PCID2: variants seen among roughly 807,000 people sequenced by gnomAD.
The protein encoded by PCID2 is PCI domain-containing protein 2.
In PCID2, 41 loss-of-function variants were observed where a neutral mutation model predicts 61.3. The observed-to-expected ratio is 0.67, with a 90% CI of 0.52 to 0.87. PCID2 has a LOEUF of 0.87. Ranked by LOEUF, PCID2 falls within the 40% of genes least tolerant of loss-of-function variation. The pLI is 0.00. For synonymous variants in PCID2, 187 were observed against 177.8 expected (o/e 1.05, Z -0.41); for missense variants, 392 against 493.4 (o/e 0.79, Z 1.95).
At chr13:113,169,305 G>C in the PCID2 span, among the ~76,000 whole-genome samples, 1 of 152,206 alleles carries the variant, frequency 6.6e-6, no homozygotes, top group Non-Finnish European at 1.5e-5. Context: ...ATTTAATTTA[G>C]GTTTTTAAAA....
chr13:113,187,933 G>A (rs562943947), intron 7 of PCID2: 6 of 152,324 alleles, frequency 3.9e-5, no homozygotes, highest in African/African-American at 1.4e-4. Context: ...GATCACTGCT[G>A]TGCAAAAATA....
At chr13:113,185,160 G>T (rs1304144640) in intron 8 of PCID2, among the ~76,000 whole-genome samples, 1 of 152,194 alleles carries the variant, frequency 6.6e-6, no homozygotes, top group African/African-American at 2.4e-5. Context: ...AAGACAAAAC[G>T]CTCTGGAGTG....
chr13:113,190,890 C>T lies in PCID2; in HGVS notation c.449G>A (p.Arg150Gln). Residue 150 changes from arginine to glutamine, a missense_variant, in exon 7 of 14, where the codon CGG (arginine) becomes CAG (glutamine). By Grantham distance (43) the Arg-to-Gln change is conservative (BLOSUM62 1). Coordinates refer to ENST00000337344, the MANE Select transcript of PCID2 (RefSeq NM_001127202.4). ...KAAELLMSCF[R>Q]VCASDTRAGI... is the part of the protein sequence containing the mutation. ...TACTCACGTGTCGCTGGCACAGACC[C>T]GGAAACAGCTCATCAGTAACTCTGC... is the stretch of plus-strand genomic sequence containing the variant. 1.2e-6 allele frequency: 2 copies of T among 1,612,432 alleles called. No homozygotes were observed. Among genetic ancestry groups the T allele is most frequent in the Non-Finnish European group, 1.7e-6 (2 of 1,178,936 alleles).
intron 7 of PCID2, chr13:113,187,540 C>A (rs2038227584): frequency 6.6e-6 from 1 of 152,196 alleles, no homozygotes; most frequent in Non-Finnish European, 1.5e-5. Context: ...CTCAGAGGTT[C>A]TGATGTGCAT....
chr13:113,195,013 C>A (rs1324991914), intron 6 of PCID2, 58 bp downstream of exon 6: 1 of 1,192,286 alleles, frequency 8.4e-7, no homozygotes, highest in Non-Finnish European at 1.3e-6. Flanking sequence ...TGAAATTAAA[C>A]AACAGATAGT....
At chr13:113,192,417 G>A (rs550414612) in intron 6 of PCID2, among the ~76,000 whole-genome samples, 1 of 152,022 alleles carries the variant, frequency 6.6e-6, no homozygotes, top group East Asian at 1.9e-4. Context: ...GCTCTGGGCA[G>A]CTGTCTGAGC....
At chr13:113,207,281 A>G (rs2039947572) in intron 1 of PCID2, among the ~76,000 whole-genome samples, 1 of 152,266 alleles carries the variant, frequency 6.6e-6, no homozygotes, top group Admixed American at 6.5e-5. Context: ...TTGTTTCTCT[A>G]TAAGCTAAGT....
At chr13:113,171,047 C>G in the PCID2 span, among the ~76,000 whole-genome samples, 1 of 152,012 alleles carries the variant, frequency 6.6e-6, no homozygotes, top group South Asian at 2.1e-4. The surrounding 1 kb of genome is among the most constrained non-coding windows in gnomAD (Gnocchi z 5.1). Context: ...CTCAGCCTCC[C>G]GAGTAGCTGG....
chr13:113,174,341 G>A (rs1160514455), downstream of PCID2, among the ~76,000 whole-genome samples: 1 of 152,066 alleles, frequency 6.6e-6, no homozygotes, highest in African/African-American at 2.4e-5. Context: ...AACAATCAGA[G>A]AAAGCTACAG....
At chr13:113,166,033 G>A in the PCID2 span, 1 of 152,068 alleles carries the variant, frequency 6.6e-6, no homozygotes, top group Non-Finnish European at 1.5e-5. Flanking sequence ...TTGTTATTAT[G>A]GTTTTATACC....
At chr13:113,196,323 T>TAAATAAA in intron 4 of PCID2, 101 bp from the exon 5 acceptor site, 1 of 870,272 alleles carries the variant, frequency 1.1e-6, no homozygotes, top group Non-Finnish European at 1.8e-6. Flanking sequence ...TAGATCACCC[T>TAAATAAA]TGAGCAGATT....
At chr13:113,203,314 C>T (rs1040803099) in intron 1 of PCID2, among the ~76,000 whole-genome samples, 1 of 152,230 alleles carries the variant, frequency 6.6e-6, no homozygotes, top group South Asian at 2.1e-4. Context: ...CAAGCTGCTG[C>T]TCAACGTCAC....
chr13:113,187,861 T>G (rs2038255960), intron 7 of PCID2: 1 of 152,210 alleles, frequency 6.6e-6, no homozygotes, highest in Non-Finnish European at 1.5e-5. Flanking sequence ...AATTTTTTCC[T>G]TTGGTTGCTT....
chr13:113,184,281 A>T, intron 9 of PCID2, 65 bp downstream of exon 9: 1 of 1,359,502 alleles, frequency 7.4e-7, no homozygotes, highest in Non-Finnish European at 1.0e-6. Context: ...AAACTATATT[A>T]TTCAAAGTTG....
chr13:113,198,093 T>G, intron 3 of PCID2, 98 bp downstream of exon 3: 1 of 807,644 alleles, frequency 1.2e-6, no homozygotes, highest in Non-Finnish European at 2.0e-6. Flanking sequence ...CAAAGTCAGT[T>G]ATTCACTGCT....
chr13:113,174,249 A>C (rs1486477599), downstream of PCID2, among the ~76,000 whole-genome samples: 7 of 151,952 alleles, frequency 4.6e-5, no homozygotes, highest in Admixed American at 1.3e-4. Context: ...AAAAAAAAAA[A>C]AAACCTACTT....
At position 113,179,736 on chromosome 13, in the gene PCID2, T is replaced by G. The variant is rs564186589; in HGVS notation, c.986+181A>C. 1.3e-5 allele frequency among the ~76,000 whole-genome samples: 2 copies of G among 152,198 alleles called. No homozygotes were observed. Among genetic ancestry groups the G allele is most frequent in the African/African-American group, 4.8e-5 (2 of 41,458 alleles). On this transcript the variant is annotated intron_variant, in intron 12 of 13. Coordinates refer to ENST00000337344, the MANE Select transcript of PCID2 (RefSeq NM_001127202.4). This position sits in a 1 kb window ranked among gnomAD's most constrained non-coding sequence, Gnocchi z 4.3. Reference sequence around the variant, plus strand: ...CCAGGCACAGCTTGTGCTACTCACGTGTCTCGCGCAGGGTCCCCAGGAGGC... The same window carrying G: ...CCAGGCACAGCTTGTGCTACTCACGGGTCTCGCGCAGGGTCCCCAGGAGGC...
chr13:113,173,569 T>G (rs2037148696), downstream of PCID2, among the ~76,000 whole-genome samples: 1 of 152,226 alleles, frequency 6.6e-6, no homozygotes, highest in Non-Finnish European at 1.5e-5. Context: ...TTACTGTTCT[T>G]CAGCACACTC....
At chr13:113,188,152 T>G (rs1341490602) in intron 7 of PCID2, 1 of 152,122 alleles carries the variant, frequency 6.6e-6, no homozygotes, top group Non-Finnish European at 1.5e-5. Context: ...GTGAGAGGCT[T>G]TAGAGAAGGC....
Sources: gnomAD v4.1 joint callset for allele counts (sites outside exome capture counted in the v4.1 genomes callset) on GRCh38, gnomAD v4.1.1 for gene constraint, Gnocchi (gnomAD v3.1) non-coding constraint, MANE v1.5 for transcripts, NCBI Gene and HGNC (gene_info 2026-07-23, HGNC 2026-07-21) for gene names.